UTS2: variants seen among roughly 807,000 people sequenced by gnomAD.
The protein encoded by UTS2 is urotensin-2.
A neutral mutation model predicts 12.6 loss-of-function variants in UTS2; 10 were observed. The observed-to-expected ratio is 0.80, with a 90% confidence interval of 0.49 to 1.35. The LOEUF is 1.35. UTS2 is among the 40% of genes most tolerant of loss of function. The probability of loss-of-function intolerance (pLI) is 0.00; values close to 1 mark genes in which losing one functional copy is unlikely to be tolerated. For missense variants in UTS2, 142 were observed against 143.2 expected (o/e 0.99, Z 0.04); for synonymous variants, 52 against 50.0 (o/e 1.04, Z -0.17).
the UTS2 span, among the ~76,000 whole-genome samples, chr1:7,879,021 A>G: frequency 6.6e-6 from 1 of 152,214 alleles, no homozygotes; most frequent in Non-Finnish European, 1.5e-5. Flanking sequence ...AGCAAATATT[A>G]TTAGACTAAA....
the UTS2 span, among the ~76,000 whole-genome samples, chr1:7,897,320 TG>T: frequency 6.6e-6 from 1 of 152,218 alleles, no homozygotes; most frequent in African/African-American, 2.4e-5. Context: ...CTTGTTTATC[TG>T]GTAGGGAAAG....
the UTS2 span, among the ~76,000 whole-genome samples, chr1:7,893,056 G>A: frequency 0.021 from 3,200 of 152,246 alleles, 103 homozygotes; most frequent in African/African-American, 0.072. Flanking sequence ...CTCCTAGCTC[G>A]TAGCACAAGG....
chr1:7,865,451 T>C, the UTS2 span, among the ~76,000 whole-genome samples: 1 of 29,810 alleles, frequency 3.4e-5, no homozygotes, highest in African/African-American at 8.8e-5. Context: ...GATACCATCT[T>C]CCCCGTGTCC....
the UTS2 span, among the ~76,000 whole-genome samples, chr1:7,872,241 A>G: frequency 7.4e-6 from 1 of 135,956 alleles, no homozygotes; most frequent in Non-Finnish European, 1.5e-5. Flanking sequence ...CGGAGGTTGC[A>G]GTGAGCCAAG....
chr1:7,882,337 A>G, the UTS2 span, among the ~76,000 whole-genome samples: 1 of 152,106 alleles, frequency 6.6e-6, no homozygotes, highest in African/African-American at 2.4e-5. Context: ...CCTGACTCTA[A>G]ATAAATAAAT....
At position 7,850,938 on chromosome 1, in the gene UTS2, A is replaced by G; in HGVS notation, c.104-16T>C. The stretch of plus-strand genomic sequence containing the variant: ...TCATGAGGTGCTACAGAGTAAAAAC[A>G]GATACTTAGAATTGGGTTCATCCTT... On this transcript the variant is annotated splice_polypyrimidine_tract_variant and intron_variant, in intron 1 of 3. Coordinates refer to ENST00000361696, the MANE Select transcript of UTS2 (RefSeq NM_006786.4). 1 of 1,612,968 alleles carries G rather than the reference A, an allele frequency of 6.2e-7. No homozygotes were observed. The highest frequency in any genetic ancestry group is 8.5e-7 in the Non-Finnish European group (1 of 1,179,222).
chr1:7,889,292 A>G, the UTS2 span, among the ~76,000 whole-genome samples: 2 of 150,708 alleles, frequency 1.3e-5, no homozygotes, highest in African/African-American at 4.9e-5. Context: ...ATTTACAAAA[A>G]CTAGCCAGGC....
At chr1:7,874,238 C>T in the UTS2 span, among the ~76,000 whole-genome samples, 1 of 152,188 alleles carries the variant, frequency 6.6e-6, no homozygotes. Flanking sequence ...TGGCCCTAGC[C>T]ACAGAGAGCC....
chr1:7,871,546 T>C, the UTS2 span, among the ~76,000 whole-genome samples: 16 of 151,824 alleles, frequency 1.1e-4, no homozygotes, highest in Admixed American at 9.8e-4. Context: ...GTTTTATTTA[T>C]CTTCACTCAA....
At chr1:7,892,979 G>T in the UTS2 span, among the ~76,000 whole-genome samples, 1 of 152,132 alleles carries the variant, frequency 6.6e-6, no homozygotes, top group Non-Finnish European at 1.5e-5. Context: ...TTCTGCCTGC[G>T]TTGTTTGGTT....
chr1:7,902,463 C>A, the UTS2 span, among the ~76,000 whole-genome samples: 1 of 152,136 alleles, frequency 6.6e-6, no homozygotes, highest in Non-Finnish European at 1.5e-5. Context: ...GTCGTCAGTG[C>A]GGCTTTTTCT....
At chr1:7,861,013 G>T in the UTS2 span, among the ~76,000 whole-genome samples, 1 of 145,518 alleles carries the variant, frequency 6.9e-6, no homozygotes. Flanking sequence ...CTGCACTCTA[G>T]CCTGGGTGAC....
the UTS2 span, among the ~76,000 whole-genome samples, chr1:7,905,635 C>A: frequency 1.3e-5 from 2 of 152,070 alleles, no homozygotes; most frequent in Non-Finnish European, 1.5e-5. Flanking sequence ...TGCAGTGTTC[C>A]AAGGAAGAGG....
the UTS2 span, among the ~76,000 whole-genome samples, chr1:7,887,535 G>A: frequency 7.0e-6 from 1 of 143,286 alleles, no homozygotes; most frequent in Non-Finnish European, 1.5e-5. Flanking sequence ...GAGGCAGATG[G>A]TTTACTTGAG....
At chr1:7,884,100 C>T in the UTS2 span, among the ~76,000 whole-genome samples, 3 of 152,134 alleles carry the variant, frequency 2.0e-5, no homozygotes. Flanking sequence ...GTGTGACTCA[C>T]TTTATTGCAA....
rs1199637670 is a variant in UTS2, at chr1:7,850,986, G to C, written c.104-64C>G. 2.0e-6 allele frequency: 3 copies of C among 1,537,018 alleles called. No individual in the cohort carries two copies. In the African/African-American group the frequency reaches 4.1e-5, roughly 21 times the overall value. On this transcript the variant is annotated intron_variant, in intron 1 of 3. Coordinates refer to ENST00000361696, the MANE Select transcript of UTS2 (RefSeq NM_006786.4). ...CTTCAGTTAGTTATTTCTGTTCCTT[G>C]TGTCTTTGGCGAGCACCAGAGATAG...
the UTS2 span, among the ~76,000 whole-genome samples, chr1:7,883,407 G>T: frequency 6.6e-6 from 1 of 152,038 alleles, no homozygotes; most frequent in Non-Finnish European, 1.5e-5. Context: ...AAGAGAGGTT[G>T]GTTAATGGGT....
the UTS2 span, among the ~76,000 whole-genome samples, chr1:7,863,021 TTGTA>T: frequency 4.2e-5 from 1 of 23,898 alleles, no homozygotes; most frequent in Non-Finnish European, 1.0e-4. Context: ...TTGTATTGTA[TTGTA>T]TTGTATTGTA....
chr1:7,853,361 CAA>C (rs1409798063), upstream of UTS2: 2 of 1,614,086 alleles, frequency 1.2e-6, no homozygotes, highest in Non-Finnish European at 1.7e-6. Flanking sequence ...GTGGCCAAAG[CAA>C]AGAGACGTGG....
Sources: gnomAD v4.1 joint callset for allele counts (sites outside exome capture counted in the v4.1 genomes callset) on GRCh38, gnomAD v4.1.1 for gene constraint, MANE v1.5 for transcripts, NCBI Gene and HGNC (gene_info 2026-07-23, HGNC 2026-07-21) for gene names.